TTN: variants seen among roughly 807,000 people sequenced by gnomAD.
The protein encoded by TTN is connectin.
A neutral mutation model predicts 3,223.0 loss-of-function variants in TTN; 1,525 were observed. That is an observed-to-expected ratio of 0.47 (90% CI 0.45 to 0.49). The LOEUF is 0.49. TTN is among the 20% of genes least tolerant of loss of function. The probability of loss-of-function intolerance (pLI) is 0.00; values close to 1 mark genes in which losing one functional copy is unlikely to be tolerated. For synonymous variants in TTN, 14,094 were observed against 15,161.0 expected (o/e 0.93, Z 5.17); for missense variants, 40,786 against 43,424.0 (o/e 0.94, Z 5.40).
rs1057523502 is a variant in TTN, at chr2:178,568,920, G to A, written c.77212C>T (p.Gln25738Ter). Residue 25738 changes from glutamine (Q) to a stop codon, truncating the protein, a stop_gained, in exon 326 of 363, where the codon CAA (glutamine) becomes TAA (stop). Transcript: ENST00000589042. LOFTEE classifies it high-confidence loss of function. ...GACCATTTCTCACTGTGTTTAGCTT[G>A]CATTTCCACAATATACTGAATGATT... ...SKIIQYIVEM[Q>*]AKHSEKWSEC... 1 of 1,613,328 alleles carries A rather than the reference G, an allele frequency of 6.2e-7. No homozygotes were observed. The highest frequency in any genetic ancestry group is 8.5e-7 in the Non-Finnish European group (1 of 1,179,586).
Position 178,582,517 on chromosome 2 carries a change from G to A in TTN, c.65939C>T (p.Pro21980Leu). The A allele has an allele frequency of 6.2e-7, 1 of 1,612,952 alleles. No individual in the cohort carries two copies. Among genetic ancestry groups the A allele is most frequent in the Non-Finnish European group, 8.5e-7 (1 of 1,179,322 alleles). Residue 21980 changes from proline (P) to leucine (L), a missense_variant, in exon 314 of 363, where the codon CCT becomes CTT. Coordinates refer to ENST00000589042, the MANE Select transcript of TTN (RefSeq NM_001267550.2). ...GATTTCTGAGCCTCCATCTTCAAGAGGCGGTTCCCAAGAAAGCATAGCACG... is the reference window on the plus strand; with the variant it reads ...GATTTCTGAGCCTCCATCTTCAAGAAGCGGTTCCCAAGAAAGCATAGCACG... ...SDRAMLSWEP[P>L]LEDGGSEITN... is the part of the protein sequence containing the mutation.
Position 178,739,648 on chromosome 2 carries a change from G to C in TTN, c.13585C>G (p.Leu4529Val), listed in dbSNP as rs372984881. 1 of 1,613,878 alleles carries C rather than the reference G, an allele frequency of 6.2e-7. No homozygotes were observed. Among genetic ancestry groups the C allele is most frequent in the South Asian group, 1.1e-5 (1 of 91,084 alleles). Residue 4529 changes from leucine to valine, a missense_variant, in exon 48 of 363, where the codon CTG (leucine) becomes GTG (valine). By Grantham distance (32) the Leu-to-Val change is conservative (BLOSUM62 1). Transcript: ENST00000589042. ...TAACTGACCTCTTCAGTTGAGATCAGATATTTAGATTCAACTTCTGGTTCA... is the reference window on the plus strand; with the variant it reads ...TAACTGACCTCTTCAGTTGAGATCACATATTTAGATTCAACTTCTGGTTCA... ...ITEPEVESKY[L>V]ISTEEVSYFN...
At chr2:178,580,648 A>T in intron 316 of TTN, 39 bp from the exon 317 acceptor site, 1 of 1,566,270 alleles carries the variant, frequency 6.4e-7, no homozygotes, top group Non-Finnish European at 8.6e-7. Context: ...TAAAAATTTA[A>T]TAGTCAAATG....
At chr2:178,538,260 T>C in intron 354 of TTN, 1 of 465,508 alleles carries the variant, frequency 2.1e-6, no homozygotes, top group South Asian at 4.4e-5. Flanking sequence ...ATTGTTGACC[T>C]TTCAAATCTT....
At chr2:178,792,238 C>T in intron 9 of TTN, 41 bp from the exon 10 acceptor site, 1 of 1,574,682 alleles carries the variant, frequency 6.4e-7, no homozygotes, top group East Asian at 2.3e-5. Context: ...TTTCCTGATG[C>T]CCAATGAAAT....
rs1444059423 is a variant in TTN, at chr2:178,722,272, T to G, written c.22515A>C (p.Arg7505Ser). Reference sequence around the variant, plus strand: ...GTGTGAACAAACCTCTTGCTGTGAGTCTAGCACTAGAAGATGCTGTTCCAA... The same window carrying G: ...GTGTGAACAAACCTCTTGCTGTGAGGCTAGCACTAGAAGATGCTGTTCCAA... ...NPLGTASSSA[R>S]LTAREPKKSP... The change falls in exon 77 of 363, where the codon AGA (arginine) becomes AGC (serine). Residue 7505 changes from arginine (R) to serine (S), a missense_variant. By Grantham distance (110) the Arg-to-Ser change is moderately radical. Transcript: ENST00000589042. 6.3e-7 allele frequency: 1 copy of G among 1,591,924 alleles called. No individual in the cohort carries two copies. The highest frequency in any genetic ancestry group is 1.2e-5 in the South Asian group (1 of 86,038).
At position 178,715,096 on chromosome 2, in the gene TTN, A is replaced by C. The variant is rs1364653469; in HGVS notation, c.26090T>G (p.Leu8697Arg). ...KKYKIMSENFLTSIHILNVDA... is the reference protein window; with the variant it reads ...KKYKIMSENFRTSIHILNVDA... Reference sequence around the variant, plus strand: ...GACATTCAGGATGTGGATACTGGTTAGGAAGTTCTCAGACATTATCTTGTA... The same window carrying C: ...GACATTCAGGATGTGGATACTGGTTCGGAAGTTCTCAGACATTATCTTGTA... Residue 8697 changes from leucine to arginine, a missense_variant, in exon 90 of 363, where the codon CTA becomes CGA. Physicochemically the swap from Leu to Arg is moderately radical, Grantham distance 102 (BLOSUM62 -2). Transcript: ENST00000589042. The C allele has an allele frequency of 1.2e-6, 2 of 1,613,738 alleles. No homozygotes were observed. The highest frequency in any genetic ancestry group is 2.2e-5 in the South Asian group (2 of 91,074).
At position 178,686,937 on chromosome 2, in the gene TTN, G is replaced by A. The variant is rs150156793; in HGVS notation, c.32311+1174C>T. On this transcript the variant is annotated intron_variant, in intron 127 of 362. Coordinates refer to ENST00000589042, the MANE Select transcript of TTN (RefSeq NM_001267550.2). ...TACAAACACTTTTAGAAAAGATGGA[G>A]TCGTCTTCAAATCTACCAGCTTCCT... Among the ~76,000 whole-genome samples, 275 of 152,332 alleles carry A rather than the reference G, an allele frequency of 1.8e-3. 5 individuals carry two copies. In the South Asian group the frequency reaches 0.024, roughly 13 times the overall value.
Position 178,558,028 on chromosome 2 carries a change from G to A in TTN, c.87326C>T (p.Thr29109Ile), listed in dbSNP as rs753496654. Residue 29109 changes from threonine (T) to isoleucine (I), a missense_variant, in exon 328 of 363, where the codon ACA becomes ATA. Transcript: ENST00000589042. The stretch of plus-strand genomic sequence containing the variant: ...GATTTCATATCTCCCAGCGTCAGCT[G>A]TAACACTTTCTTTGAGATTGATGGT... ...NLTINLKESVTADAGRYEITA... is the reference protein window; with the variant it reads ...NLTINLKESVIADAGRYEITA... 1.2e-6 allele frequency: 2 copies of A among 1,613,928 alleles called. No homozygotes were observed. The highest frequency in any genetic ancestry group is 3.3e-5 in the Admixed American group (2 of 60,026).
chr2:178,543,092 G>A lies in TTN; in HGVS notation c.96881C>T (p.Ala32294Val), dbSNP rs1184028880. ...GVSEPRETVT[A>V]VTVQDLRVLP... Reference sequence around the variant, plus strand: ...ACCTCTGAGGTCTTGTACAGTCACGGCTGTGACAGTCTCTCTTGGTTCTGA... The same window carrying A: ...ACCTCTGAGGTCTTGTACAGTCACGACTGTGACAGTCTCTCTTGGTTCTGA... Residue 32294 changes from alanine (A) to valine (V), a missense_variant, in exon 347 of 363, where the codon GCC becomes GTC. Transcript: ENST00000589042. 3 of 1,598,716 alleles carry A rather than the reference G, an allele frequency of 1.9e-6. No homozygotes were observed. The African/African-American group carries it at 4.0e-5, about 22-fold the overall frequency.
chr2:178,626,671 C>T (rs1407652563), intron 240 of TTN, among the ~76,000 whole-genome samples: 1 of 151,764 alleles, frequency 6.6e-6, no homozygotes, highest in Non-Finnish European at 1.5e-5. Flanking sequence ...AAAATAACAG[C>T]TAGGAGGGGG....
intron 308 of TTN, 77 bp downstream of exon 308, chr2:178,586,427 AG>A: frequency 6.5e-7 from 1 of 1,530,616 alleles, no homozygotes; most frequent in Non-Finnish European, 8.9e-7. Flanking sequence ...TAGATTCCTC[AG>A]GGAGAAATGT....
chr2:178,534,512 C>T lies in TTN; in HGVS notation c.102103G>A (p.Asp34035Asn), dbSNP rs144963736. The T allele has an allele frequency of 5.0e-4, 803 of 1,613,782 alleles. 4 individuals carry two copies. The African/African-American group carries it at 9.3e-3, about 19-fold the overall frequency. The change falls in exon 358 of 363, where the codon GAT becomes AAT. Residue 34035 changes from aspartate to asparagine, a missense_variant. Physicochemically the swap from Asp to Asn is conservative, Grantham distance 23. Coordinates refer to ENST00000589042, the MANE Select transcript of TTN (RefSeq NM_001267550.2). ...CTAATCTCTTTGAATGCTTCCTCATCGAAAGTATATTCAGCATTCATGATA... is the reference window on the plus strand; with the variant it reads ...CTAATCTCTTTGAATGCTTCCTCATTGAAAGTATATTCAGCATTCATGATA... The part of the protein sequence containing the change: ...ENIMNAEYTF[D>N]EEAFKEISIE...
intron 242 of TTN, 134 bp downstream of exon 242, chr2:178,624,331 G>T: frequency 2.9e-6 from 3 of 1,051,914 alleles, no homozygotes; most frequent in Non-Finnish European, 4.3e-6. Flanking sequence ...ATCAGGTTAG[G>T]TCAGTGTCAA....
Position 178,610,150 on chromosome 2 carries a change from T to C in TTN, c.51376A>G (p.Lys17126Glu). The change falls in exon 271 of 363, where the codon AAG becomes GAG. Residue 17126 changes from lysine (K) to glutamate (E), a missense_variant. Coordinates refer to ENST00000589042, the MANE Select transcript of TTN (RefSeq NM_001267550.2). ...EYFFRVKAVNKVGGGEYIELK... is the reference protein window; with the variant it reads ...EYFFRVKAVNEVGGGEYIELK... ...TCAATATATTCTCCTCCACCAACCT[T>C]GTTGACTGCTTTAACACGGAAGAAG... 1.2e-6 allele frequency: 2 copies of C among 1,612,992 alleles called. No individual in the cohort carries two copies. Among genetic ancestry groups the C allele is most frequent in the African/African-American group, 1.3e-5 (1 of 74,966 alleles).
chr2:178,770,848 G>A lies in TTN; in HGVS notation c.8117-173C>T, dbSNP rs189989293. ...CCTGAGATTATTTAGGGGAACCTGG[G>A]ATCCAACTGGACATGTACATCGTGA... On this transcript the variant is annotated intron_variant, in intron 34 of 362. Transcript: ENST00000589042. 126 of 896,970 alleles carry A rather than the reference G, an allele frequency of 1.4e-4. No individual in the cohort carries two copies. The African/African-American group carries it at 1.9e-3, about 14-fold the overall frequency. 55.6% of individuals were successfully genotyped at this position (896,970 alleles called of 1,614,324 possible).
chr2:178,562,161 G>A lies in TTN; in HGVS notation c.83971C>T (p.Gln27991Ter), dbSNP rs1703920233. The change falls in exon 326 of 363, where the codon CAA becomes TAA. Residue 27991 changes from glutamine to a stop codon, truncating the protein, a stop_gained. Coordinates refer to ENST00000589042, the MANE Select transcript of TTN (RefSeq NM_001267550.2). LOFTEE classifies it high-confidence loss of function. ...KIDVPFKGRPQATVNWRKDGQ... is the reference protein window; with the variant it reads ...KIDVPFKGRP ...TCTTTTCTCCAGTTCACAGTAGCTT[G>A]AGGTCTTCCTTTGAATGGCACATCA... 1 of 1,613,154 alleles carries A rather than the reference G, an allele frequency of 6.2e-7. No individual in the cohort carries two copies. The highest frequency in any genetic ancestry group is 1.7e-5 in the Admixed American group (1 of 59,920).
In TTN at chr2:178,565,120, T is replaced by G; in HGVS notation, c.81012A>C (p.Gln27004His). The change falls in exon 326 of 363, where the codon CAA becomes CAC. Residue 27004 changes from glutamine (Q) to histidine (H), a missense_variant. By Grantham distance (24) the Gln-to-His change is conservative. Transcript: ENST00000589042. ...GCTTCTCTACAATGTAGTTGCTTAT[T>G]TGGCAGCCACCAGTATAGGCTGGAG... The part of the protein sequence containing the change: ...WEPPAYTGGC[Q>H]ISNYIVEKRD... 1 of 1,613,518 alleles carries G rather than the reference T, an allele frequency of 6.2e-7. No individual in the cohort carries two copies. The highest frequency in any genetic ancestry group is 8.5e-7 in the Non-Finnish European group (1 of 1,179,620).
chr2:178,567,271 T>C lies in TTN; in HGVS notation c.78861A>G (p.Pro26287=). Residue 26287 remains proline, a synonymous_variant, in exon 326 of 363, where the codon CCA becomes CCG. Coordinates refer to ENST00000589042, the MANE Select transcript of TTN (RefSeq NM_001267550.2). ...FPVNVKVLDR[P]GPPEGPVQVT... Reference sequence around the variant, plus strand: ...CCTGGACTGGCCCTTCTGGAGGTCCTGGTCTATCTAATACTTTTACATTTA... The same window carrying C: ...CCTGGACTGGCCCTTCTGGAGGTCCCGGTCTATCTAATACTTTTACATTTA... 1 of 1,606,806 alleles carries C rather than the reference T, an allele frequency of 6.2e-7. No homozygotes were observed. The highest frequency in any genetic ancestry group is 1.1e-5 in the South Asian group (1 of 89,632).
Sources: gnomAD v4.1 joint callset for allele counts (sites outside exome capture counted in the v4.1 genomes callset) on GRCh38, gnomAD v4.1.1 for gene constraint, MANE v1.5 for transcripts, NCBI Gene and HGNC (gene_info 2026-07-23, HGNC 2026-07-21) for gene names.